The following SH3GLB1 variants were observed in gnomAD, a reference collection of about 807,000 sequenced individuals.
SH3GLB1 encodes the protein endophilin-B1.
A neutral mutation model predicts 42.0 loss-of-function variants in SH3GLB1; 17 were observed. The ratio of observed to expected loss-of-function variants is 0.40; its 90% CI spans 0.28 to 0.61. The LOEUF (loss-of-function observed/expected upper bound fraction) is 0.61. Among genes scored for constraint, SH3GLB1 ranks in the 20% least tolerant of loss-of-function variants. The pLI is 0.36. For missense variants in SH3GLB1, 355 were observed against 426.3 expected, an observed-to-expected ratio of 0.83 and a Z score of 1.47; for synonymous variants, 132 against 146.6, an observed-to-expected ratio of 0.90 and a Z score of 0.72.
Position 86,719,508 on chromosome 1 carries a change from T to A in SH3GLB1, c.216T>A (p.Asn72Lys). Residue 72 changes from asparagine to lysine, a missense_variant and splice_region_variant, in exon 3 of 9, where the codon AAT (asparagine) becomes AAA (lysine). Transcript: ENST00000370558. The part of the protein sequence containing the change: ...QTEVLLQPNP[N>K]ARIEEFVYEK... ...TGGTAATTTTAACCTTTCTCCTAGA[T>A]GCCAGGATAGAAGAATTTGTTTATG... 1 of 1,606,298 alleles carries A rather than the reference T, an allele frequency of 6.2e-7. No individual in the cohort carries two copies. The highest frequency in any genetic ancestry group is 8.5e-7 in the Non-Finnish European group (1 of 1,176,904).
At chr1:86,741,911 CT>C (rs1656075029) in intron 7 of SH3GLB1, among the ~76,000 whole-genome samples, 1 of 151,926 alleles carries the variant, frequency 6.6e-6, no homozygotes, top group African/African-American at 2.4e-5. Flanking sequence ...AGAAAACATT[CT>C]AATGGAAGTT....
intron 1 of SH3GLB1, among the ~76,000 whole-genome samples, chr1:86,713,128 A>G (rs1654309698): frequency 6.6e-6 from 1 of 151,942 alleles, no homozygotes. Context: ...ATTTTATTTT[A>G]TATTTATTTA....
rs1357128881 is a variant in SH3GLB1 at position 86,746,324 on chromosome 1, C to G, written c.*3089C>G. 1 of 152,222 alleles carries G rather than the reference C, an allele frequency of 6.6e-6. No individual in the cohort carries two copies. Among genetic ancestry groups the G allele is most frequent in the Admixed American group, 6.5e-5 (1 of 15,272 alleles). The allele number at this position is 152,222 out of a possible 1,614,324, so 9.4% of individuals were successfully genotyped here. A position where few individuals can be genotyped will look rare whatever the true frequency, so the allele number is the denominator to read the frequency against. ...GAGGCCCCACTCACCTCCATGCTGA[C>G]AGAATTCCAGAAAAATTCCTTCCCT... On this transcript the variant is annotated 3_prime_UTR_variant, in exon 9 of 9. Coordinates refer to ENST00000370558, the MANE Select transcript of SH3GLB1 (RefSeq NM_016009.5).
At position 86,745,644 on chromosome 1, in the gene SH3GLB1, C is replaced by G. The variant is rs755325731; in HGVS notation, c.*2409C>G. On this transcript the variant is annotated 3_prime_UTR_variant, in exon 9 of 9. Transcript: ENST00000370558. The stretch of plus-strand genomic sequence containing the variant: ...AGGCTTCTGGTACGTTTGTCTACCA[C>G]AGAACCACCACAATATATATGCTTG... 6.6e-6 allele frequency: 1 copy of G among 152,230 alleles called. No homozygotes were observed. The highest frequency in any genetic ancestry group is 1.5e-5 in the Non-Finnish European group (1 of 68,034). 9.4% of individuals were successfully genotyped at this position (152,230 alleles called of 1,614,324 possible). A position where few individuals can be genotyped will look rare whatever the true frequency, so the allele number is the denominator to read the frequency against.
At chr1:86,724,437 A>T (rs757983265) in intron 5 of SH3GLB1, 32 bp downstream of exon 5, 1 of 1,446,454 alleles carries the variant, frequency 6.9e-7, no homozygotes, top group South Asian at 1.3e-5. Flanking sequence ...TTTGATTAAT[A>T]ACTTTAAGAT....
rs1656189664 is a variant in SH3GLB1 at position 86,744,116 on chromosome 1, A to G, written c.*881A>G. 1.3e-5 allele frequency: 2 copies of G among 152,270 alleles called. No homozygotes were observed. Among genetic ancestry groups the G allele is most frequent in the Admixed American group, 1.3e-4 (2 of 15,280 alleles). The allele number at this position is 152,270 out of a possible 1,614,324, so 9.4% of individuals were successfully genotyped here. A position where few individuals can be genotyped will look rare whatever the true frequency, so the allele number is the denominator to read the frequency against. ...TACATTATAAATTGTATACGAACAA[A>G]ATAAATTGGGTCACTCTGAGCTTAC... On this transcript the variant is annotated 3_prime_UTR_variant, in exon 9 of 9. Coordinates refer to ENST00000370558, the MANE Select transcript of SH3GLB1 (RefSeq NM_016009.5).
chr1:86,730,441 A>G (rs962741176), intron 5 of SH3GLB1: 8 of 860,312 alleles, frequency 9.3e-6, no homozygotes, highest in Non-Finnish European at 1.1e-5. Context: ...AAAATGTAAA[A>G]TATAGTTAAC....
chr1:86,722,545 G>A lies in SH3GLB1; in HGVS notation c.349G>A (p.Ala117Thr), dbSNP rs1352154834. The change falls in exon 4 of 9, where the codon GCC becomes ACC. Residue 117 changes from alanine (A) to threonine (T), a missense_variant. Transcript: ENST00000370558. The part of the protein sequence containing the change: ...EFGPGTAYGN[A>T]LIKCGETQKR... ...AAAACATTTTTCCTTTGCAGGTAAT[G>A]CCCTTATTAAATGTGGAGAAACCCA... 1.9e-6 allele frequency: 3 copies of A among 1,586,096 alleles called. No homozygotes were observed. The highest frequency in any genetic ancestry group is 2.6e-6 in the Non-Finnish European group (3 of 1,169,952).
chr1:86,745,734 C>G lies in SH3GLB1; in HGVS notation c.*2499C>G, dbSNP rs900562011. ...TGTTTGGGTTTTATTTTGGTTTTGG[C>G]TTATTTTAAAGTCAAGTTTAGTTTT... On this transcript the variant is annotated 3_prime_UTR_variant, in exon 9 of 9. Coordinates refer to ENST00000370558, the MANE Select transcript of SH3GLB1 (RefSeq NM_016009.5). The G allele has an allele frequency of 8.6e-5, 13 of 152,014 alleles. No homozygotes were observed. The highest frequency in any genetic ancestry group is 8.5e-4 in the Admixed American group (13 of 15,266). 9.4% of individuals were successfully genotyped at this position (152,014 alleles called of 1,614,324 possible). A position where few individuals can be genotyped will look rare whatever the true frequency, so the allele number is the denominator to read the frequency against.
intron 5 of SH3GLB1, among the ~76,000 whole-genome samples, chr1:86,732,560 A>C (rs1003509867): frequency 6.6e-6 from 1 of 152,168 alleles, no homozygotes; most frequent in Non-Finnish European, 1.5e-5. Context: ...CCCAATATGC[A>C]CTAAAACTTG....
chr1:86,705,398 C>G (rs564952686), intron 1 of SH3GLB1, among the ~76,000 whole-genome samples: 15 of 152,286 alleles, frequency 9.8e-5, no homozygotes, highest in Admixed American at 2.0e-4. Context: ...CCCTCGGAGT[C>G]CAAGAAGGGA....
chr1:86,718,643 A>G (rs956237359), intron 2 of SH3GLB1, among the ~76,000 whole-genome samples: 16 of 152,312 alleles, frequency 1.1e-4, no homozygotes, highest in Middle Eastern at 3.4e-3. Context: ...GAGGGAACCT[A>G]TTTGACTTAG....
At chr1:86,742,805 T>C (rs191546879) in intron 8 of SH3GLB1, among the ~76,000 whole-genome samples, 122 of 151,608 alleles carry the variant, frequency 8.0e-4, no homozygotes, top group African/African-American at 2.8e-3. Flanking sequence ...ACAAAAAATA[T>C]GAAAAATTAG....
At chr1:86,730,948 TAAG>T (rs1002508118) in intron 5 of SH3GLB1, among the ~76,000 whole-genome samples, 1 of 152,246 alleles carries the variant, frequency 6.6e-6, no homozygotes, top group African/African-American at 2.4e-5. Flanking sequence ...TTACTACAGT[TAAG>T]GTCATTATTA....
At chr1:86,727,567 C>G (rs1655263892) in intron 5 of SH3GLB1, among the ~76,000 whole-genome samples, 1 of 151,938 alleles carries the variant, frequency 6.6e-6, no homozygotes. Context: ...TGCAAATATT[C>G]CAAAACCAGA....
At chr1:86,722,803 A>G (rs1263077590) in intron 4 of SH3GLB1, 130 bp downstream of exon 4, 3 of 677,876 alleles carry the variant, frequency 4.4e-6, no homozygotes, top group Middle Eastern at 4.5e-4. Context: ...AGGTCAGTGC[A>G]TGTTCACCAG....
At chr1:86,730,075 TA>T (rs1396626755) in intron 5 of SH3GLB1, 5 of 1,590,652 alleles carry the variant, frequency 3.1e-6, no homozygotes, top group Non-Finnish European at 4.3e-6. Context: ...CTCTAATTTT[TA>T]ATGCTGGCTA....
chr1:86,739,347 T>TA lies in SH3GLB1; in HGVS notation c.762-2857dup, dbSNP rs556239213. On this transcript the variant is annotated intron_variant, in intron 7 of 8. Coordinates refer to ENST00000370558, the MANE Select transcript of SH3GLB1 (RefSeq NM_016009.5). ...GATGATAACGAGTGAGGCAGTGAGG[T>TA]AAAATGGAAACTAAGAGTATGGCCT... is the stretch of plus-strand genomic sequence containing the variant. Among the ~76,000 whole-genome samples, 1,255 of 151,908 alleles carry TA rather than the reference T, an allele frequency of 8.3e-3. 10 individuals carry two copies. The highest frequency in any genetic ancestry group is 0.01 in the Middle Eastern group (3 of 294).
chr1:86,706,193 A>G (rs573584708), intron 1 of SH3GLB1, among the ~76,000 whole-genome samples: 1 of 152,382 alleles, frequency 6.6e-6, no homozygotes, highest in East Asian at 1.9e-4. Context: ...AACTTGCACA[A>G]CTAGTAAATA....
Sources: allele counts gnomAD v4.1 joint callset (sites outside exome capture counted in the v4.1 genomes callset), GRCh38; gene constraint gnomAD v4.1.1; transcripts MANE v1.5; gene names NCBI Gene and HGNC (gene_info 2026-07-23, HGNC 2026-07-21).